GATB: variants seen among roughly 807,000 people sequenced by gnomAD.
GATB encodes the protein glutamyl-tRNA amidotransferase subunit B.
A neutral mutation model predicts 62.3 loss-of-function variants in GATB; 39 were observed. That is an observed-to-expected ratio of 0.63 (90% CI 0.48 to 0.82). GATB has a LOEUF of 0.82. GATB is among the 40% of genes least tolerant of loss of function. The pLI, the probability that GATB is intolerant of heterozygous loss-of-function variation, is 0.00. For missense variants in GATB, 670 were observed against 684.0 expected (o/e 0.98, Z 0.23); for synonymous variants, 276 against 258.9 (o/e 1.07, Z -0.63).
At chr4:151,715,979 AAAG>A (rs1177230421) in intron 5 of GATB, 27 bp downstream of exon 5, 7 of 1,607,472 alleles carry the variant, frequency 4.4e-6, no homozygotes, top group African/African-American at 1.3e-5. Context: ...AGGGAGAGGG[AAAG>A]AAGAATACTG....
intron 2 of GATB, among the ~76,000 whole-genome samples, chr4:151,757,917 T>C (rs1739869648): frequency 3.9e-5 from 6 of 152,208 alleles, no homozygotes; most frequent in Non-Finnish European, 7.3e-5. Flanking sequence ...CAGTTGATAT[T>C]ATAGGTCCTG....
At position 151,701,316 on chromosome 4, in the gene GATB, G is replaced by A. The variant is rs376410927; in HGVS notation, c.1197+13C>T. The A allele has an allele frequency of 8.9e-5, 134 of 1,509,518 alleles. No individual in the cohort carries two copies. Among genetic ancestry groups the A allele is most frequent in the Admixed American group, 7.4e-4 (37 of 49,690 alleles). 93.5% of individuals were successfully genotyped at this position (1,509,518 alleles called of 1,614,324 possible). A position where few individuals can be genotyped will look rare whatever the true frequency, so the allele number is the denominator to read the frequency against. On this transcript the variant is annotated intron_variant, in intron 9 of 12. Coordinates refer to ENST00000263985, the MANE Select transcript of GATB (RefSeq NM_004564.3). ...CTGAGCCGGGATCCTCTTGGCATCC[G>A]ATCGATACCTACCAGCAAAGTGAAG...
intron 2 of GATB, chr4:151,723,030 C>T (rs1017083156): frequency 6.6e-6 from 1 of 152,184 alleles, no homozygotes; most frequent in Admixed American, 6.5e-5. Flanking sequence ...AAAGTATGTT[C>T]CAGAATTTCT....
intron 9 of GATB, among the ~76,000 whole-genome samples, chr4:151,693,770 G>C (rs1738416101): frequency 6.6e-6 from 1 of 152,154 alleles, no homozygotes; most frequent in African/African-American, 2.4e-5. Context: ...TATGTTCCCA[G>C]GAAAGCTGGA....
intron 2 of GATB, among the ~76,000 whole-genome samples, chr4:151,732,008 G>A (rs1383297888): frequency 7.3e-6 from 1 of 137,296 alleles, no homozygotes; most frequent in Non-Finnish European, 1.6e-5. Context: ...GGAGGGAGGT[G>A]GGGGGTCAGC....
chr4:151,708,009 T>C lies in GATB; in HGVS notation c.856A>G (p.Arg286Gly), dbSNP rs1738747221. ...TCACCTATGGCTTTGGCCAGGAACC[T>C]GATGCTGTTGAGATTCTTCACTTCC... ...RTEVKNLNSI[R>G]FLAKAIDYEI... Residue 286 changes from arginine (R) to glycine (G), a missense_variant, in exon 6 of 13, where the codon AGG becomes GGG. By Grantham distance (125) the Arg-to-Gly change is moderately radical. Coordinates refer to ENST00000263985, the MANE Select transcript of GATB (RefSeq NM_004564.3). The C allele has an allele frequency of 3.1e-6, 5 of 1,613,192 alleles. No homozygotes were observed. The highest frequency in any genetic ancestry group is 1.3e-5 in the African/African-American group (1 of 74,924).
At chr4:151,686,497 C>T (rs1738248269) in intron 10 of GATB, among the ~76,000 whole-genome samples, 1 of 152,042 alleles carries the variant, frequency 6.6e-6, no homozygotes, top group South Asian at 2.1e-4. Context: ...CCAGCCTGGG[C>T]TCCCCCTGCC....
chr4:151,756,965 A>C (rs1328426041), intron 2 of GATB, among the ~76,000 whole-genome samples: 3 of 152,206 alleles, frequency 2.0e-5, no homozygotes, highest in East Asian at 1.9e-4. Flanking sequence ...GCTTATGCCT[A>C]ATCTCTTGAT....
intron 2 of GATB, among the ~76,000 whole-genome samples, chr4:151,755,587 A>G (rs1031355667): frequency 6.6e-6 from 1 of 152,206 alleles, no homozygotes; most frequent in Admixed American, 6.5e-5. Context: ...TTTTATGCCT[A>G]CAAAGTTTCT....
intron 2 of GATB, chr4:151,722,000 G>C (rs969050058): frequency 1.7e-6 from 1 of 573,522 alleles, no homozygotes; most frequent in Non-Finnish European, 3.1e-6. Flanking sequence ...TAGAAGCCAT[G>C]AAGTACTTCA....
chr4:151,715,825 A>C (rs909941935), intron 5 of GATB, among the ~76,000 whole-genome samples, 184 bp downstream of exon 5: 4 of 152,188 alleles, frequency 2.6e-5, no homozygotes, highest in Non-Finnish European at 5.9e-5. Context: ...AAAGAATCCA[A>C]GGAAAATTCT....
At chr4:151,699,029 AAAAAAAATCTTT>A (rs1446395712) in intron 9 of GATB, among the ~76,000 whole-genome samples, 2 of 151,930 alleles carry the variant, frequency 1.3e-5, no homozygotes, top group South Asian at 2.1e-4. Flanking sequence ...CTTGGAAGGC[AAAAAAAATCTTT>A]AAAAAAATCT....
chr4:151,703,531 AAGAAC>A (rs1219899475), intron 8 of GATB: 6 of 364,104 alleles, frequency 1.6e-5, no homozygotes, highest in Non-Finnish European at 3.0e-5. Context: ...ACATTAGAAT[AAGAAC>A]AGCCTAGGCC....
At chr4:151,682,037 G>A (rs1738149420) in intron 10 of GATB, among the ~76,000 whole-genome samples, 2 of 152,200 alleles carry the variant, frequency 1.3e-5, no homozygotes, top group Non-Finnish European at 1.5e-5. Flanking sequence ...AAAAGACGTA[G>A]GGGTGGAGAG....
At chr4:151,736,782 G>A (rs541684426) in intron 2 of GATB, among the ~76,000 whole-genome samples, 13 of 152,274 alleles carry the variant, frequency 8.5e-5, no homozygotes, top group Admixed American at 2.6e-4. Context: ...AGGTCTTTCC[G>A]GTGCTGTTCT....
chr4:151,726,979 C>A (rs533818381), intron 2 of GATB, among the ~76,000 whole-genome samples: 1 of 152,102 alleles, frequency 6.6e-6, no homozygotes, highest in Admixed American at 6.5e-5. Context: ...TGCAGTGGCC[C>A]GATCACAGCT....
intron 2 of GATB, among the ~76,000 whole-genome samples, chr4:151,729,096 A>G (rs934910959): frequency 6.6e-6 from 1 of 152,234 alleles, no homozygotes; most frequent in Admixed American, 6.5e-5. Context: ...TCCAATAGGA[A>G]TGCATATAGC....
chr4:151,722,063 C>T, intron 2 of GATB: 1 of 629,180 alleles, frequency 1.6e-6, no homozygotes. Flanking sequence ...ACAGAGGGCC[C>T]AGTAAACAGA....
chr4:151,702,509 A>G (rs1738626379), intron 8 of GATB, among the ~76,000 whole-genome samples: 1 of 152,158 alleles, frequency 6.6e-6, no homozygotes, highest in Non-Finnish European at 1.5e-5. Context: ...TCTAGCCAAT[A>G]AGGAAGTGTG....
Sources: allele counts gnomAD v4.1 joint callset (sites outside exome capture counted in the v4.1 genomes callset), GRCh38; gene constraint gnomAD v4.1.1; transcripts MANE v1.5; gene names NCBI Gene and HGNC (gene_info 2026-07-23, HGNC 2026-07-21).